CUL2: variants seen among roughly 807,000 people sequenced by gnomAD.
CUL2 encodes cullin 2, also known as cullin-2.
Under a neutral mutation model 110.2 loss-of-function variants are expected in CUL2, and 22 were observed. The ratio of observed to expected loss-of-function variants is 0.20; its 90% confidence interval spans 0.14 to 0.28. CUL2 has a LOEUF of 0.28. Among genes scored for constraint, CUL2 ranks in the 10% least tolerant of loss-of-function variants. The probability of loss-of-function intolerance (pLI) is 1.00; values close to 1 mark genes in which losing one functional copy is unlikely to be tolerated. For missense variants in CUL2, 631 were observed against 905.5 expected (o/e 0.70, Z 3.89); for synonymous variants, 279 against 293.2 (o/e 0.95, Z 0.49).
chr10:35,103,308 A>ATTT lies in CUL2; in HGVS notation c.-50-2251_-50-2249dup, dbSNP rs67257350. On this transcript the variant is annotated intron_variant, in intron 1 of 5. Coordinates refer to the CUL2 transcript ENST00000685421. Reference sequence around the variant, plus strand: ...AGGCGCCCGCCACCAGGCCAAGCTAATTTTTTTTTTTTTTTTTTTTTTTTA... The same window carrying ATTT: ...AGGCGCCCGCCACCAGGCCAAGCTAATTTTTTTTTTTTTTTTTTTTTTTTTTTA... 2.3e-3 allele frequency among the ~76,000 whole-genome samples: 217 copies of ATTT among 94,572 alleles called. 2 individuals carry two copies. Among genetic ancestry groups the ATTT allele is most frequent in the African/African-American group, 4.3e-3 (117 of 27,066 alleles). The allele number at this position is 94,572 out of a possible 152,430, so 62.0% of individuals were successfully genotyped here.
chr10:35,016,984 T>C (rs553031745), intron 17 of CUL2, among the ~76,000 whole-genome samples: 2 of 147,218 alleles, frequency 1.4e-5, no homozygotes, highest in South Asian at 4.5e-4. Flanking sequence ...ATGCTAAGAC[T>C]TAGGCAGAAA....
chr10:35,079,566 A>G (rs1458343943), intron 1 of CUL2: 1 of 152,702 alleles, frequency 6.5e-6, no homozygotes, highest in Admixed American at 6.5e-5. Context: ...ATTACACGAT[A>G]TAACTATCAC....
intron 1 of CUL2, among the ~76,000 whole-genome samples, chr10:35,123,473 G>T (rs1219056865): frequency 6.6e-6 from 1 of 152,038 alleles, no homozygotes; most frequent in African/African-American, 2.4e-5. Context: ...TACCAGATGG[G>T]TAATAGTGGG....
intron 1 of CUL2, among the ~76,000 whole-genome samples, chr10:35,076,094 G>A (rs2086811109): frequency 6.6e-6 from 1 of 152,090 alleles, no homozygotes; most frequent in East Asian, 1.9e-4. Context: ...TTGGCAATAC[G>A]AGGAAATGAA....
chr10:35,045,282 T>C (rs745790485), intron 6 of CUL2, among the ~76,000 whole-genome samples: 59 of 152,158 alleles, frequency 3.9e-4, no homozygotes, highest in Non-Finnish European at 7.3e-4. Flanking sequence ...ATGTTAGCTT[T>C]TCTAATAAAA....
chr10:35,081,045 C>G (rs1348603222), intron 1 of CUL2, among the ~76,000 whole-genome samples: 2 of 151,872 alleles, frequency 1.3e-5, no homozygotes, highest in Non-Finnish European at 2.9e-5. Flanking sequence ...CAGACCTGGT[C>G]TTTAAAAAAA....
chr10:35,050,968 AC>A (rs1251736772), intron 5 of CUL2, among the ~76,000 whole-genome samples: 1 of 152,254 alleles, frequency 6.6e-6, no homozygotes. Flanking sequence ...ATCCTTGACA[AC>A]AAGTGGTACT....
chr10:35,027,396 G>A (rs1381866948), intron 16 of CUL2, among the ~76,000 whole-genome samples: 2 of 152,004 alleles, frequency 1.3e-5, no homozygotes, highest in South Asian at 4.2e-4. Flanking sequence ...CGCCCGCCTC[G>A]GCCTCCCAAG....
chr10:35,044,189 A>G (rs2085876396), intron 8 of CUL2, among the ~76,000 whole-genome samples: 2 of 152,138 alleles, frequency 1.3e-5, no homozygotes, highest in Admixed American at 1.3e-4. Context: ...CTCATTTTAA[A>G]GGAAGAAAAA....
chr10:35,046,252 G>A (rs12357844), intron 6 of CUL2, among the ~76,000 whole-genome samples: 54,243 of 152,048 alleles, frequency 0.36, 11,790 homozygotes, highest in Middle Eastern at 0.5. Flanking sequence ...GGTCACATGC[G>A]TGACCTCACA....
At chr10:35,027,352 G>A (rs2085362398) in intron 16 of CUL2, among the ~76,000 whole-genome samples, 1 of 151,912 alleles carries the variant, frequency 6.6e-6, no homozygotes, top group Admixed American at 6.6e-5. Flanking sequence ...CACTGTGTTA[G>A]CCAGGATGGT....
At chr10:35,087,077 G>GT (rs1302531245) in intron 1 of CUL2, among the ~76,000 whole-genome samples, 2 of 152,116 alleles carry the variant, frequency 1.3e-5, no homozygotes, top group African/African-American at 4.8e-5. Context: ...TTTTCTGTTT[G>GT]TTTTAGAGAC....
chr10:35,042,476 T>G (rs1006524491), intron 8 of CUL2, among the ~76,000 whole-genome samples: 5 of 152,156 alleles, frequency 3.3e-5, no homozygotes, highest in African/African-American at 1.2e-4. Flanking sequence ...GGAAACAGAA[T>G]TTCTCTCCTA....
chr10:35,037,814 G>C (rs749484746), intron 9 of CUL2, among the ~76,000 whole-genome samples: 2 of 152,076 alleles, frequency 1.3e-5, no homozygotes, highest in African/African-American at 2.4e-5. Flanking sequence ...CTGCATTATA[G>C]CCTGGGCCAC....
chr10:35,066,232 G>T (rs1458264761), intron 2 of CUL2, among the ~76,000 whole-genome samples: 2 of 151,448 alleles, frequency 1.3e-5, no homozygotes, highest in African/African-American at 4.8e-5. Flanking sequence ...AAATGAAAAT[G>T]TAAGACAACC....
intron 19 of CUL2, 108 bp downstream of exon 19, chr10:35,013,591 T>A: frequency 1.5e-6 from 1 of 664,278 alleles, no homozygotes; most frequent in Admixed American, 3.5e-5. Context: ...CATATCCCAT[T>A]ATTAATTTTG....
chr10:35,024,973 G>C (rs1287132352), intron 17 of CUL2, among the ~76,000 whole-genome samples, 159 bp downstream of exon 17: 1 of 152,094 alleles, frequency 6.6e-6, no homozygotes, highest in Non-Finnish European at 1.5e-5. Context: ...CTATGAAAAA[G>C]TGCTATACTT....
intron 2 of CUL2, chr10:35,099,377 G>A (rs1034377738): frequency 6.9e-6 from 1 of 144,646 alleles, no homozygotes; most frequent in Non-Finnish European, 1.5e-5. Context: ...GCGACAAAGT[G>A]AGACTCCGTC....
chr10:35,011,211 ATTT>A (rs5784437), intron 20 of CUL2, among the ~76,000 whole-genome samples: 3 of 133,732 alleles, frequency 2.2e-5, no homozygotes, highest in African/African-American at 3.1e-5. Flanking sequence ...TAATTTTTTA[ATTT>A]TTTTTTTTTT....
Sources: gnomAD v4.1 joint callset for allele counts (sites outside exome capture counted in the v4.1 genomes callset) on GRCh38, gnomAD v4.1.1 for gene constraint, MANE v1.5 for transcripts, NCBI Gene and HGNC (gene_info 2026-07-23, HGNC 2026-07-21) for gene names.